Variants in TPTE observed in about 807,000 individuals in gnomAD.
TPTE encodes the protein transmembrane phosphatase with tensin homology.
Under a neutral mutation model 84.1 loss-of-function variants are expected in TPTE, and 59 were observed. The observed-to-expected ratio is 0.70, with a 90% CI of 0.57 to 0.87. TPTE has a LOEUF of 0.87. TPTE is among the 40% of genes least tolerant of loss of function. TPTE has a pLI of 0.00. For missense variants in TPTE, 382 were observed against 659.6 expected, an observed-to-expected ratio of 0.58 and a Z score of 4.61; for synonymous variants, 130 against 223.5, an observed-to-expected ratio of 0.58 and a Z score of 3.73.
At chr21:10,525,739 G>C (rs2074066697) in intron 2 of TPTE, among the ~76,000 whole-genome samples, 1 of 152,306 alleles carries the variant, frequency 6.6e-6, no homozygotes, top group Non-Finnish European at 1.5e-5. Context: ...GGGCAATTTA[G>C]CTAGTTACTT....
At chr21:10,566,543 GAT>G (rs1313445635) in intron 10 of TPTE, among the ~76,000 whole-genome samples, 2 of 152,312 alleles carry the variant, frequency 1.3e-5, no homozygotes, top group Non-Finnish European at 2.9e-5. Flanking sequence ...ATATAGAAGA[GAT>G]ATCTGCATTC....
At chr21:10,574,368 C>CAGAAA (rs2075108899) in intron 14 of TPTE, among the ~76,000 whole-genome samples, 11 of 152,402 alleles carry the variant, frequency 7.2e-5, no homozygotes, top group Non-Finnish European at 2.9e-5. Context: ...AGAAAATGTC[C>CAGAAA]TGGATACCTG....
chr21:10,562,452 T>G (rs1277103412), intron 10 of TPTE, among the ~76,000 whole-genome samples: 1 of 152,310 alleles, frequency 6.6e-6, no homozygotes, highest in Non-Finnish European at 1.5e-5. Context: ...CAGAGATATG[T>G]GACCTTTCAG....
chr21:10,558,468 CA>C (rs1405675448), intron 8 of TPTE, among the ~76,000 whole-genome samples: 1 of 152,308 alleles, frequency 6.6e-6, no homozygotes, highest in African/African-American at 2.4e-5. Context: ...AATGGTATCT[CA>C]TTGTGGTTTT....
chr21:10,524,021 A>C (rs1163085678), intron 1 of TPTE, among the ~76,000 whole-genome samples: 3 of 152,310 alleles, frequency 2.0e-5, no homozygotes, highest in Non-Finnish European at 2.9e-5. Flanking sequence ...AAGTCTGTGC[A>C]GTCTTGGGCC....
intron 3 of TPTE, among the ~76,000 whole-genome samples, chr21:10,530,688 T>C (rs1398458715): frequency 6.6e-6 from 1 of 152,308 alleles, no homozygotes; most frequent in African/African-American, 2.4e-5. Flanking sequence ...GAAACAGGAC[T>C]TGATGGGCCA....
intron 5 of TPTE, 151 bp from the exon 6 acceptor site, chr21:10,542,244 A>T: frequency 1.0e-6 from 1 of 964,686 alleles, no homozygotes; most frequent in Non-Finnish European, 1.6e-6. Flanking sequence ...GCTAATAAAG[A>T]GGAAAAGACA....
At chr21:10,556,710 C>T (rs2074691089) in intron 8 of TPTE, among the ~76,000 whole-genome samples, 2 of 152,308 alleles carry the variant, frequency 1.3e-5, no homozygotes, top group South Asian at 4.1e-4. Flanking sequence ...CCTGTTGTTT[C>T]TTGACTTTTT....
chr21:10,548,650 C>T (rs568392029), intron 7 of TPTE, among the ~76,000 whole-genome samples: 3 of 152,430 alleles, frequency 2.0e-5, no homozygotes, highest in South Asian at 2.1e-4. Context: ...AGAAACACCC[C>T]TCTTGGCCAG....
At chr21:10,561,826 A>T (rs210534) in intron 10 of TPTE, among the ~76,000 whole-genome samples, 31,850 of 145,010 alleles carry the variant, frequency 0.22, 64 homozygotes, top group African/African-American at 0.47. Context: ...CCTGAAGGCA[A>T]GGACACAGGC....
At chr21:10,601,593 G>T (rs1978522606) in intron 21 of TPTE, among the ~76,000 whole-genome samples, 1 of 152,310 alleles carries the variant, frequency 6.6e-6, no homozygotes, top group Admixed American at 6.5e-5. Flanking sequence ...AGTGGCTCAT[G>T]CCTGTAATCC....
rs754886192 is a variant in TPTE, at chr21:10,602,050, A to G, written c.1357-8A>G. 2 of 1,610,514 alleles carry G rather than the reference A, an allele frequency of 1.2e-6. No individual in the cohort carries two copies. Among genetic ancestry groups the G allele is most frequent in the Non-Finnish European group, 8.5e-7 (1 of 1,176,684 alleles). On this transcript the variant is annotated splice_polypyrimidine_tract_variant and splice_region_variant and intron_variant, in intron 21 of 23. Transcript: ENST00000618007. ...TTATAGTTCTCAATTCCATGTGTTC[A>G]TTCATAGGTACTTGATAACATTACA...
intron 9 of TPTE, 47 bp from the exon 10 acceptor site, chr21:10,560,983 C>T (rs2207393): frequency 0.13 from 200,617 of 1,487,614 alleles, no homozygotes; most frequent in Admixed American, 0.26. Context: ...ACAAATGCCC[C>T]TTTATCTTTG....
At chr21:10,571,882 G>A (rs916177735) in intron 14 of TPTE, among the ~76,000 whole-genome samples, 1 of 152,308 alleles carries the variant, frequency 6.6e-6, no homozygotes, top group African/African-American at 2.4e-5. Context: ...GTGCATGCCT[G>A]CCATCCAAGC....
At chr21:10,534,775 C>A (rs61410333) in intron 3 of TPTE, among the ~76,000 whole-genome samples, 2,396 of 151,402 alleles carry the variant, frequency 0.016, no homozygotes, top group African/African-American at 0.056. Context: ...TATGTAACAT[C>A]CTTTTCTTTT....
At chr21:10,531,623 A>G (rs1331656210) in intron 3 of TPTE, among the ~76,000 whole-genome samples, 2 of 152,310 alleles carry the variant, frequency 1.3e-5, no homozygotes, top group African/African-American at 2.4e-5. Context: ...CATCCTTCAT[A>G]TCAGTTTGAG....
chr21:10,578,633 C>T (rs2075212463), intron 17 of TPTE, 28 bp downstream of exon 17: 1 of 1,611,942 alleles, frequency 6.2e-7, no homozygotes, highest in African/African-American at 1.3e-5. Flanking sequence ...TTTATTTCTC[C>T]ATTTCTAAAG....
intron 7 of TPTE, among the ~76,000 whole-genome samples, chr21:10,544,094 C>G (rs569868930): frequency 2.6e-5 from 4 of 152,300 alleles, no homozygotes; most frequent in African/African-American, 7.2e-5. Flanking sequence ...ATGTGAAAAC[C>G]TCTCCTGGAA....
intron 7 of TPTE, among the ~76,000 whole-genome samples, chr21:10,548,506 C>A (rs1478875241): frequency 1.3e-5 from 2 of 152,306 alleles, no homozygotes; most frequent in Non-Finnish European, 2.9e-5. Context: ...CCCAGGGCTT[C>A]CCCTGGCAGG....
Sources: gnomAD v4.1 joint callset for allele counts (sites outside exome capture counted in the v4.1 genomes callset) on GRCh38, gnomAD v4.1.1 for gene constraint, MANE v1.5 for transcripts, NCBI Gene and HGNC (gene_info 2026-07-23, HGNC 2026-07-21) for gene names.